The following SIPA1L1 variants were observed in gnomAD, a reference collection of about 807,000 sequenced individuals.
SIPA1L1 encodes the protein signal-induced proliferation-associated 1-like protein 1.
A neutral mutation model predicts 162.7 loss-of-function variants in SIPA1L1; 26 were observed. That is an observed-to-expected ratio of 0.16 (90% CI 0.12 to 0.22). The LOEUF (loss-of-function observed/expected upper bound fraction) is 0.22, where lower values mean the gene tolerates loss of function less well. SIPA1L1 is among the 10% of genes least tolerant of loss of function. The pLI, the probability that SIPA1L1 is intolerant of heterozygous loss-of-function variation, is 1.00. For missense variants in SIPA1L1, 1,874 were observed against 2,241.0 expected, an observed-to-expected ratio of 0.84 and a Z score of 3.31; for synonymous variants, 829 against 837.4, an observed-to-expected ratio of 0.99 and a Z score of 0.17.
intron 7 of SIPA1L1, among the ~76,000 whole-genome samples, chr14:71,642,888 G>C (rs2148946707): frequency 6.6e-6 from 1 of 151,960 alleles, no homozygotes; most frequent in East Asian, 1.9e-4. Flanking sequence ...AAAGTACACT[G>C]GACAGAATTA....
At chr14:71,603,983 A>C (rs2037162158) in intron 5 of SIPA1L1, among the ~76,000 whole-genome samples, 2 of 145,034 alleles carry the variant, frequency 1.4e-5, no homozygotes, top group South Asian at 4.2e-4. Context: ...ATATTTATAT[A>C]TATTTATATA....
chr14:71,438,102 G>A (rs2044540745), intron 2 of SIPA1L1, among the ~76,000 whole-genome samples: 1 of 152,116 alleles, frequency 6.6e-6, no homozygotes. Flanking sequence ...AGCCCATGCT[G>A]TGCACTTTTA....
intron 2 of SIPA1L1, among the ~76,000 whole-genome samples, chr14:71,362,160 C>T (rs17109255): frequency 0.017 from 2,539 of 152,270 alleles, 74 homozygotes; most frequent in African/African-American, 0.053. Flanking sequence ...ACTGGAGTTT[C>T]GTACTTGAGA....
intron 2 of SIPA1L1, among the ~76,000 whole-genome samples, chr14:71,363,244 T>A (rs996774215): frequency 6.6e-6 from 1 of 152,220 alleles, no homozygotes; most frequent in African/African-American, 2.4e-5. Context: ...CATACCAAAG[T>A]ACTATAATAG....
At chr14:71,489,167 G>A (rs188051545) in intron 2 of SIPA1L1, among the ~76,000 whole-genome samples, 2 of 152,246 alleles carry the variant, frequency 1.3e-5, no homozygotes, top group African/African-American at 2.4e-5. Flanking sequence ...ACTTATATTC[G>A]TTTAAAAATA....
chr14:71,451,882 A>G (rs918908390), intron 2 of SIPA1L1, among the ~76,000 whole-genome samples: 2 of 152,140 alleles, frequency 1.3e-5, no homozygotes, highest in African/African-American at 4.8e-5. Context: ...TATTTGAGAG[A>G]AGGGAAAATG....
At chr14:71,479,371 A>ATGTG (rs1183971585) in intron 2 of SIPA1L1, among the ~76,000 whole-genome samples, 7 of 151,320 alleles carry the variant, frequency 4.6e-5, no homozygotes, top group African/African-American at 1.7e-4. Flanking sequence ...GTATGTATGT[A>ATGTG]TGTGTGTATA....
chr14:71,477,885 G>A (rs931315747), intron 2 of SIPA1L1, among the ~76,000 whole-genome samples: 1 of 152,090 alleles, frequency 6.6e-6, no homozygotes, highest in African/African-American at 2.4e-5. Context: ...GACTGGGATT[G>A]CTGGATTACA....
At chr14:71,336,485 G>T (rs1259761161) in intron 2 of SIPA1L1, among the ~76,000 whole-genome samples, 2 of 152,102 alleles carry the variant, frequency 1.3e-5, no homozygotes, top group Non-Finnish European at 2.9e-5. Context: ...TTTGTGACTG[G>T]CTTCTTTCAC....
chr14:71,709,367 A>G lies in SIPA1L1; in HGVS notation c.3911A>G (p.Asp1304Gly). The change falls in exon 17 of 24, where the codon GAC becomes GGC. Residue 1304 changes from aspartate to glycine, a missense_variant. Physicochemically the swap from Asp to Gly is moderately conservative, Grantham distance 94. Transcript: ENST00000381232. ...SYNYLQGTSA[D>G]SGIDTTSYGP... Reference sequence around the variant, plus strand: ...AACTATCTGCAAGGCACCTCTGCTGACAGTGGCATTGACACCACCTCTTAT... The same window carrying G: ...AACTATCTGCAAGGCACCTCTGCTGGCAGTGGCATTGACACCACCTCTTAT... 1 of 1,614,234 alleles carries G rather than the reference A, an allele frequency of 6.2e-7. No homozygotes were observed. The highest frequency in any genetic ancestry group is 8.5e-7 in the Non-Finnish European group (1 of 1,180,042).
intron 2 of SIPA1L1, among the ~76,000 whole-genome samples, chr14:71,468,976 C>T (rs1322966617): frequency 1.3e-5 from 2 of 151,498 alleles, no homozygotes; most frequent in African/African-American, 2.4e-5. Context: ...CTTATTATAC[C>T]ACACTAGAAA....
At chr14:71,671,049 A>G (rs914146580) in intron 10 of SIPA1L1, 70 bp from the exon 11 acceptor site, 2 of 1,251,150 alleles carry the variant, frequency 1.6e-6, no homozygotes, top group Non-Finnish European at 2.2e-6. Context: ...TCTTTGAGAA[A>G]GTATATTTTA....
rs113586275 is a variant in SIPA1L1 at position 71,634,658 on chromosome 14, C to T, written c.1818+10422C>T. 9.9e-5 allele frequency among the ~76,000 whole-genome samples: 15 copies of T among 151,564 alleles called. No homozygotes were observed. In the South Asian group the frequency reaches 2.5e-3, roughly 25 times the overall value. On this transcript the variant is annotated intron_variant, in intron 7 of 23. Coordinates refer to ENST00000381232, the MANE Select transcript of SIPA1L1 (RefSeq NM_001386936.1). ...ACCCTTAAAAAGTAGCTAAGTTGGC[C>T]GGGCGCGGTGGCTCACGTCTGTAAT... is the stretch of plus-strand genomic sequence containing the variant.
At chr14:71,672,692 T>G in intron 12 of SIPA1L1, 70 bp downstream of exon 12, 24 of 1,506,812 alleles carry the variant, frequency 1.6e-5, no homozygotes, top group Non-Finnish European at 2.1e-5. Flanking sequence ...AGAACATCTC[T>G]TAGCAGGTAG....
intron 12 of SIPA1L1, among the ~76,000 whole-genome samples, chr14:71,675,980 AAAT>A (rs1421601282): frequency 1.3e-5 from 2 of 151,634 alleles, no homozygotes; most frequent in African/African-American, 2.4e-5. Flanking sequence ...AGTAGTACTT[AAAT>A]AACATGTAAA....
intron 7 of SIPA1L1, among the ~76,000 whole-genome samples, chr14:71,632,215 G>C (rs1458050782): frequency 1.3e-5 from 2 of 152,162 alleles, no homozygotes; most frequent in African/African-American, 4.8e-5. Context: ...GAAGCAGCAG[G>C]CTGGTTAGGG....
intron 2 of SIPA1L1, among the ~76,000 whole-genome samples, chr14:71,417,829 A>G (rs1180796188): frequency 2.0e-5 from 3 of 152,228 alleles, no homozygotes; most frequent in Admixed American, 6.5e-5. Flanking sequence ...CTAAAAATGT[A>G]TAGTAGCTAG....
At chr14:71,360,764 G>A (rs1406141124) in intron 2 of SIPA1L1, among the ~76,000 whole-genome samples, 2 of 152,116 alleles carry the variant, frequency 1.3e-5, no homozygotes, top group Admixed American at 1.3e-4. Context: ...AGAAGTGTCA[G>A]CAAATCAAAG....
intron 5 of SIPA1L1, among the ~76,000 whole-genome samples, chr14:71,592,404 T>A (rs1450079057): frequency 1.3e-5 from 2 of 152,216 alleles, no homozygotes; most frequent in African/African-American, 4.8e-5. Context: ...CTCTGTCTTA[T>A]AATAGACAAC....
Sources: gnomAD v4.1 joint callset for allele counts (sites outside exome capture counted in the v4.1 genomes callset) on GRCh38, gnomAD v4.1.1 for gene constraint, MANE v1.5 for transcripts, NCBI Gene and HGNC (gene_info 2026-07-23, HGNC 2026-07-21) for gene names.